ZNF84: variants seen among roughly 807,000 people sequenced by gnomAD.
The protein encoded by ZNF84 is zinc finger protein HPF2.
ZNF84 carries 12 observed loss-of-function variants against 14.8 expected under a neutral mutation model. That is an observed-to-expected ratio of 0.81 (90% CI 0.52 to 1.31). The LOEUF (loss-of-function observed/expected upper bound fraction) is 1.31. ZNF84 is among the 50% of genes most tolerant of loss of function. ZNF84 has a pLI of 0.00. For synonymous variants in ZNF84, 347 were observed against 291.1 expected, an observed-to-expected ratio of 1.19 and a Z score of -1.96; for missense variants, 859 against 878.6, an observed-to-expected ratio of 0.98 and a Z score of 0.28.
At chr12:133,048,692 T>A (rs1954025117) in intron 3 of ZNF84, 61 bp from the exon 4 acceptor site, 2 of 1,323,532 alleles carry the variant, frequency 1.5e-6, no homozygotes. Context: ...CTTGCTCAAC[T>A]TTAGAGGCCC....
Position 133,063,025 on chromosome 12 carries a change from C to A in ZNF84, c.*4093C>A, listed in dbSNP as rs1954289784. The A allele has an allele frequency of 2.9e-6, 2 of 691,884 alleles. No individual in the cohort carries two copies. The highest frequency in any genetic ancestry group is 5.3e-6 in the Non-Finnish European group (2 of 378,360). The allele number at this position is 691,884 out of a possible 1,614,324, so 42.9% of individuals were successfully genotyped here. On this transcript the variant is annotated 3_prime_UTR_variant, in exon 5 of 5. Coordinates refer to ENST00000539354, the MANE Select transcript of ZNF84 (RefSeq NM_001289971.2). ...AAAGCTTCTAGAAAGCTAGTACTAT[C>A]TTTTTTGTCTGTGTAATTTTTGCAT...
intron 4 of ZNF84, among the ~76,000 whole-genome samples, chr12:133,056,638 T>G (rs1954163580): frequency 6.6e-6 from 1 of 152,330 alleles, no homozygotes; most frequent in Non-Finnish European, 1.5e-5. Context: ...TTGAGTGAAT[T>G]AATTACTCAA....
At chr12:133,052,430 C>T (rs1954086863) in intron 4 of ZNF84, among the ~76,000 whole-genome samples, 1 of 152,154 alleles carries the variant, frequency 6.6e-6, no homozygotes, top group East Asian at 1.9e-4. Flanking sequence ...CATCCTTAAC[C>T]TCCTGGGCTC....
Position 133,059,281 on chromosome 12 carries a change from G to T in ZNF84, c.*349G>T. 1 of 369,554 alleles carries T rather than the reference G, an allele frequency of 2.7e-6. No individual in the cohort carries two copies. The highest frequency in any genetic ancestry group is 4.8e-6 in the Non-Finnish European group (1 of 207,250). The allele number at this position is 369,554 out of a possible 1,614,324, so 22.9% of individuals were successfully genotyped here. A position where few individuals can be genotyped will look rare whatever the true frequency, so the allele number is the denominator to read the frequency against. The stretch of plus-strand genomic sequence containing the variant: ...GGAAAACCCCATGAATGCGGGAAAT[G>T]AGGCAATATTTTTAAGAAATGACAG... On this transcript the variant is annotated 3_prime_UTR_variant, in exon 5 of 5. Transcript: ENST00000539354.
intron 4 of ZNF84, among the ~76,000 whole-genome samples, chr12:133,049,872 C>T (rs1225230507): frequency 6.6e-6 from 1 of 152,124 alleles, no homozygotes; most frequent in Non-Finnish European, 1.5e-5. Flanking sequence ...TCAACTTCCG[C>T]TTAAAACTAG....
chr12:133,057,527 C>T lies in ZNF84; in HGVS notation c.812C>T (p.Ala271Val). Residue 271 changes from alanine (A) to valine (V), a missense_variant, in exon 5 of 5, where the codon GCC becomes GTC. Physicochemically the swap from Ala to Val is moderately conservative, Grantham distance 64. Coordinates refer to ENST00000539354, the MANE Select transcript of ZNF84 (RefSeq NM_001289971.2). ...KPYNCSQCGK[A>V]FSQKSQLTSH... is the part of the protein sequence containing the mutation. ...TATAATTGTAGCCAGTGTGGGAAAG[C>T]CTTCTCCCAAAAGTCACAGCTCACA... The T allele has an allele frequency of 6.2e-7, 1 of 1,614,194 alleles. No homozygotes were observed. Among genetic ancestry groups the T allele is most frequent in the South Asian group, 1.1e-5 (1 of 91,084 alleles).
Position 133,041,421 on chromosome 12 carries a change from G to A in ZNF84, c.-47G>A. ...GGGGCAGAAGCAGAAGAGACGCACA[G>A]TAGAACCGATCTCAGCCTTGCTGAT... On this transcript the variant is annotated 5_prime_UTR_variant, in exon 2 of 5. Transcript: ENST00000539354. 1 of 1,611,008 alleles carries A rather than the reference G, an allele frequency of 6.2e-7. No homozygotes were observed. Among genetic ancestry groups the A allele is most frequent in the South Asian group, 1.1e-5 (1 of 91,000 alleles).
In ZNF84 at chr12:133,039,392, C is replaced by T. The variant is rs760028133; in HGVS notation, c.-191+1847C>T. 5.1e-4 allele frequency among the ~76,000 whole-genome samples: 77 copies of T among 152,178 alleles called. 1 individual carries two copies. Among genetic ancestry groups the T allele is most frequent in the Non-Finnish European group, 9.7e-4 (66 of 68,044 alleles). On this transcript the variant is annotated intron_variant, in intron 1 of 4. Transcript: ENST00000539354. ...AGGATTTATGTTGTGTGTGTTTGTG[C>T]ATGTAGATATGCACAAATGACAATA...
rs1440044411 is a variant in ZNF84 at position 133,055,839 on chromosome 12, C to A, written c.239-1115C>A. Among the ~76,000 whole-genome samples, 41 of 152,240 alleles carry A rather than the reference C, an allele frequency of 2.7e-4. No homozygotes were observed. In the Middle Eastern group the frequency reaches 0.014, roughly 51 times the overall value. On this transcript the variant is annotated intron_variant, in intron 4 of 4. Transcript: ENST00000539354. ...ATTGGCCCGGCGCAGTGGCTCACAC[C>A]TGTAACCCAGAACTTTGGGAGGCTG... is the stretch of plus-strand genomic sequence containing the variant.
intron 2 of ZNF84, among the ~76,000 whole-genome samples, chr12:133,041,886 G>T (rs1953895037): frequency 6.6e-6 from 1 of 152,342 alleles, no homozygotes; most frequent in African/African-American, 2.4e-5. Flanking sequence ...TCTTATGAAT[G>T]AGAGATATGC....
chr12:133,058,656 A>T lies in ZNF84; in HGVS notation c.1941A>T (p.Arg647Ser). Residue 647 changes from arginine to serine, a missense_variant, in exon 5 of 5, where the codon AGA becomes AGT. Transcript: ENST00000539354. ...AGTCAAGTCTCATCAATCATCAGAG[A>T]ATACATACAGGAGAGAAGCCTTTTG... ...REKSSLINHQRIHTGEKPFEC... is the reference protein window; with the variant it reads ...REKSSLINHQSIHTGEKPFEC... 1 of 1,614,166 alleles carries T rather than the reference A, an allele frequency of 6.2e-7. No individual in the cohort carries two copies. The highest frequency in any genetic ancestry group is 8.5e-7 in the Non-Finnish European group (1 of 1,180,028).
At chr12:133,043,436 G>A (rs1953920931) in intron 2 of ZNF84, among the ~76,000 whole-genome samples, 2 of 152,132 alleles carry the variant, frequency 1.3e-5, no homozygotes, top group African/African-American at 4.8e-5. Context: ...AAGTGTGTGA[G>A]CCACTTACAG....
rs995502916 is a variant in ZNF84, at chr12:133,048,709, C to A, written c.143-44C>A. On this transcript the variant is annotated intron_variant, in intron 3 of 4. Transcript: ENST00000539354. ...TGCTCAACTTTAGAGGCCCTAAACC[C>A]CAAGCAGTTGGGCCCAAGGCCTTTG... 29 of 1,533,052 alleles carry A rather than the reference C, an allele frequency of 1.9e-5. No homozygotes were observed. In the African/African-American group the frequency reaches 3.5e-4, roughly 19 times the overall value. 95.0% of individuals were successfully genotyped at this position (1,533,052 alleles called of 1,614,324 possible).
At chr12:133,050,902 C>T (rs1053866894) in intron 4 of ZNF84, among the ~76,000 whole-genome samples, 1 of 152,168 alleles carries the variant, frequency 6.6e-6, no homozygotes, top group Non-Finnish European at 1.5e-5. Context: ...ATGTAATGTT[C>T]GATAAATTTC....
chr12:133,050,479 A>G (rs1372240105), intron 4 of ZNF84: 1 of 398,578 alleles, frequency 2.5e-6, no homozygotes, highest in Non-Finnish European at 4.4e-6. Context: ...AGTATTGGCG[A>G]TGCAGTGGCA....
intron 4 of ZNF84, among the ~76,000 whole-genome samples, chr12:133,053,852 C>T (rs1313052643): frequency 1.3e-5 from 2 of 152,190 alleles, no homozygotes; most frequent in African/African-American, 4.8e-5. Flanking sequence ...TGTTCAAACT[C>T]CAAACCTAAG....
intron 1 of ZNF84, chr12:133,040,413 C>T (rs1322339144): frequency 6.6e-6 from 1 of 151,288 alleles, no homozygotes; most frequent in Non-Finnish European, 1.5e-5. Flanking sequence ...AAAAAAAATA[C>T]AAAAACAGTT....
rs942825628 is a variant in ZNF84, at chr12:133,058,787, C to T, written c.2072C>T (p.Ala691Val). The change falls in exon 5 of 5, where the codon GCC (alanine) becomes GTC (valine). Residue 691 changes from alanine (A) to valine (V), a missense_variant. Ala to Val is a moderately conservative substitution (Grantham distance 64, BLOSUM62 0). Transcript: ENST00000539354. Reference protein sequence around the residue: ...KPYGCSECRKAFSQKSQLVNH... With the variant: ...KPYGCSECRKVFSQKSQLVNH... ...TATGGATGCAGTGAATGTAGGAAGG[C>T]CTTCTCTCAGAAGTCACAGCTGGTT... 6.2e-6 allele frequency: 10 copies of T among 1,614,032 alleles called. No homozygotes were observed. The highest frequency in any genetic ancestry group is 5.0e-5 in the Admixed American group (3 of 60,010).
chr12:133,039,051 T>A (rs1480364676), intron 1 of ZNF84: 1 of 152,236 alleles, frequency 6.6e-6, no homozygotes, highest in African/African-American at 2.4e-5. Flanking sequence ...AGCTTGTGTA[T>A]GTTTTTTATA....
Sources: allele counts gnomAD v4.1 joint callset (sites outside exome capture counted in the v4.1 genomes callset), GRCh38; gene constraint gnomAD v4.1.1; transcripts MANE v1.5; gene names NCBI Gene and HGNC (gene_info 2026-07-23, HGNC 2026-07-21).